Variants in NCAPD3 observed in about 807,000 individuals in gnomAD.
NCAPD3 encodes the protein condensin-2 complex subunit D3.
A neutral mutation model predicts 182.9 loss-of-function variants in NCAPD3; 105 were observed. That is an observed-to-expected ratio of 0.57 (90% CI 0.49 to 0.68). The LOEUF is 0.68. Among genes scored for constraint, NCAPD3 ranks in the 30% least tolerant of loss-of-function variants. The probability of loss-of-function intolerance (pLI) is 0.00; values close to 1 mark genes in which losing one functional copy is unlikely to be tolerated. For missense variants in NCAPD3, 1,944 were observed against 1,837.0 expected, an observed-to-expected ratio of 1.06 and a Z score of -1.07; for synonymous variants, 815 against 679.9, an observed-to-expected ratio of 1.20 and a Z score of -3.09.
chr11:134,163,569 T>G (rs1943655811), intron 27 of NCAPD3, among the ~76,000 whole-genome samples: 1 of 151,634 alleles, frequency 6.6e-6, no homozygotes, highest in Non-Finnish European at 1.5e-5. Flanking sequence ...CCGTGGTGGC[T>G]GGTGCCTGTA....
At chr11:134,214,802 GA>G (rs1293422409) in intron 3 of NCAPD3, among the ~76,000 whole-genome samples, 5 of 152,104 alleles carry the variant, frequency 3.3e-5, no homozygotes, top group African/African-American at 4.8e-5. Flanking sequence ...CCAAACATCT[GA>G]AGAAAAAAGA....
chr11:134,220,631 A>C lies in NCAPD3; in HGVS notation c.160T>G (p.Phe54Val), dbSNP rs1166789088. The C allele has an allele frequency of 6.2e-7, 1 of 1,614,070 alleles. No individual in the cohort carries two copies. The highest frequency in any genetic ancestry group is 8.5e-7 in the Non-Finnish European group (1 of 1,179,920). ...AAAAGGCTTTCATAGAGTTTTGTGAATGCAGCCAATCCAGTCTCTATGATC... is the reference window on the plus strand; with the variant it reads ...AAAAGGCTTTCATAGAGTTTTGTGACTGCAGCCAATCCAGTCTCTATGATC... ...AEIIETGLAAFTKLYESLLPF... is the reference protein window; with the variant it reads ...AEIIETGLAAVTKLYESLLPF... The change falls in exon 2 of 35, where the codon TTC becomes GTC. Residue 54 changes from phenylalanine to valine, a missense_variant. By Grantham distance (50) the Phe-to-Val change is conservative. Transcript: ENST00000534548.
At position 134,151,876 on chromosome 11, in the gene NCAPD3, C is replaced by G. The variant is rs1417795710; in HGVS notation, c.*1068G>C. ...CACCCATCCACCAGGGAAGTCAGTG[C>G]TGGGCAGGAGGTCAGCCTGTGTGCT... On this transcript the variant is annotated 3_prime_UTR_variant, in exon 35 of 35. Transcript: ENST00000534548. The G allele has an allele frequency of 6.6e-6, 1 of 152,228 alleles. No individual in the cohort carries two copies. Among genetic ancestry groups the G allele is most frequent in the African/African-American group, 2.4e-5 (1 of 41,460 alleles). The allele number at this position is 152,228 out of a possible 1,614,324, so 9.4% of individuals were successfully genotyped here.
chr11:134,187,679 A>G (rs1944439028), intron 16 of NCAPD3, among the ~76,000 whole-genome samples: 1 of 152,208 alleles, frequency 6.6e-6, no homozygotes, highest in Non-Finnish European at 1.5e-5. Flanking sequence ...AGAAAGAAAG[A>G]GGACAAAGAG....
intron 3 of NCAPD3, among the ~76,000 whole-genome samples, chr11:134,215,122 A>G (rs1937968340): frequency 6.6e-6 from 1 of 152,242 alleles, no homozygotes; most frequent in African/African-American, 2.4e-5. Context: ...AGTGCAGAAA[A>G]GCGAATGACA....
intron 13 of NCAPD3, among the ~76,000 whole-genome samples, chr11:134,200,445 C>T (rs182503285): frequency 2.0e-5 from 3 of 152,078 alleles, no homozygotes; most frequent in Admixed American, 2.0e-4. Flanking sequence ...CCAAAGAAAA[C>T]GTATGTATAT....
chr11:134,206,636 C>T lies in NCAPD3; in HGVS notation c.979G>A (p.Val327Ile), dbSNP rs1255995004. The T allele has an allele frequency of 3.7e-6, 6 of 1,613,494 alleles. No homozygotes were observed. The South Asian group carries it at 6.6e-5, about 18-fold the overall frequency. ...ACCGCCTGGTTTCTACAGTTGATGACTTGGGAGGTAACAGCAAGGGGGGCA... is the reference window on the plus strand; with the variant it reads ...ACCGCCTGGTTTCTACAGTTGATGATTTGGGAGGTAACAGCAAGGGGGGCA... ...HRAPLAVTSQ[V>I]INCRNQAVQF... Residue 327 changes from valine (V) to isoleucine (I), a missense_variant, in exon 8 of 35, where the codon GTC (valine) becomes ATC (isoleucine). Coordinates refer to ENST00000534548, the MANE Select transcript of NCAPD3 (RefSeq NM_015261.3).
chr11:134,213,262 G>C (rs1937904307), intron 3 of NCAPD3, among the ~76,000 whole-genome samples: 1 of 152,082 alleles, frequency 6.6e-6, no homozygotes, highest in African/African-American at 2.4e-5. Context: ...GGAGTTCAAG[G>C]TTAAAGTGAG....
chr11:134,197,336 G>A (rs552972069), intron 13 of NCAPD3, among the ~76,000 whole-genome samples: 2 of 140,128 alleles, frequency 1.4e-5, no homozygotes, highest in South Asian at 2.2e-4. Flanking sequence ...GAGTGCAGTC[G>A]CATGATATTG....
intron 31 of NCAPD3, among the ~76,000 whole-genome samples, chr11:134,157,400 G>A (rs1358136571): frequency 6.6e-6 from 1 of 152,120 alleles, no homozygotes. Flanking sequence ...TAATCCCAAG[G>A]ATTACATACA....
rs1229872888 is a variant in NCAPD3 at position 134,203,715 on chromosome 11, T to G, written c.1407A>C (p.Ala469=). Residue 469 remains alanine, a synonymous_variant, in exon 11 of 35, where the codon GCA becomes GCC. Coordinates refer to ENST00000534548, the MANE Select transcript of NCAPD3 (RefSeq NM_015261.3). The stretch of plus-strand genomic sequence containing the variant: ...TGGTAACAGTCAACTCCAGACAGTG[T>G]GCAAAGCTGGACAGTGCCTTGCTGC... ...TVRSKALSSF[A]HCLELTVTSA... 8 of 1,614,172 alleles carry G rather than the reference T, an allele frequency of 5.0e-6. No homozygotes were observed. Among genetic ancestry groups the G allele is most frequent in the Non-Finnish European group, 6.8e-6 (8 of 1,180,040 alleles).
At position 134,204,783 on chromosome 11, in the gene NCAPD3, G is replaced by A. The variant is rs1565552136; in HGVS notation, c.1089+116C>T. ...TGAACATTAAATAAAACCACTTTAA[G>A]TAACAATGCACACTCATTCCCAAGA... On this transcript the variant is annotated intron_variant, in intron 9 of 34. Coordinates refer to ENST00000534548, the MANE Select transcript of NCAPD3 (RefSeq NM_015261.3). This position sits in a 1 kb window ranked among gnomAD's most constrained non-coding sequence, Gnocchi z 4.3. The A allele has an allele frequency of 1.3e-6, 1 of 765,300 alleles. No individual in the cohort carries two copies. Among genetic ancestry groups the A allele is most frequent in the East Asian group, 2.8e-5 (1 of 35,246 alleles). The allele number at this position is 765,300 out of a possible 1,614,324, so 47.4% of individuals were successfully genotyped here.
intron 1 of NCAPD3, 22 bp from the exon 2 acceptor site, chr11:134,220,748 T>C (rs1938198427): frequency 6.2e-7 from 1 of 1,607,508 alleles, no homozygotes; most frequent in Admixed American, 1.7e-5. Flanking sequence ...TGCAATGAAA[T>C]GTGTAAGTAC....
In NCAPD3 at chr11:134,159,930, C is replaced by T. The variant is rs141547598; in HGVS notation, c.3829G>A (p.Gly1277Arg). 4.5e-4 allele frequency: 730 copies of T among 1,613,754 alleles called. 1 individual carries two copies. Among genetic ancestry groups the T allele is most frequent in the Non-Finnish European group, 5.6e-4 (661 of 1,180,026 alleles). The change falls in exon 29 of 35, where the codon GGG becomes AGG. Residue 1277 changes from glycine (G) to arginine (R), a missense_variant. Transcript: ENST00000534548. ...GCCACCTCAGCACCTCCAGCCGTCCCGGCCACATCTGCATGTTTTGCTAGC... is the reference window on the plus strand; with the variant it reads ...GCCACCTCAGCACCTCCAGCCGTCCTGGCCACATCTGCATGTTTTGCTAGC... ...QELAKHADVA[G>R]TAGGAEVAPV...
At chr11:134,222,333 T>C (rs1236028609) in intron 1 of NCAPD3, among the ~76,000 whole-genome samples, 1 of 152,192 alleles carries the variant, frequency 6.6e-6, no homozygotes, top group African/African-American at 2.4e-5. Context: ...CACTTATACT[T>C]CTAGGGATAT....
intron 20 of NCAPD3, among the ~76,000 whole-genome samples, chr11:134,180,507 G>A (rs184981960): frequency 2.4e-4 from 37 of 152,196 alleles, no homozygotes; most frequent in Admixed American, 8.5e-4. Flanking sequence ...CCACTGTCCC[G>A]TCCTGGCTCA....
chr11:134,204,827 A>T lies in NCAPD3; in HGVS notation c.1089+72T>A. Reference sequence around the variant, plus strand: ...CCCAAGAACAAATACCCACACTCACACACACACACACACATTTATCTTCAC... The same window carrying T: ...CCCAAGAACAAATACCCACACTCACTCACACACACACACATTTATCTTCAC... On this transcript the variant is annotated intron_variant, in intron 9 of 34. Transcript: ENST00000534548. This position sits in a 1 kb window ranked among gnomAD's most constrained non-coding sequence, Gnocchi z 4.3. 1.5e-5 allele frequency: 18 copies of T among 1,216,028 alleles called. No individual in the cohort carries two copies. Among genetic ancestry groups the T allele is most frequent in the Non-Finnish European group, 1.8e-5 (15 of 839,382 alleles). The allele number at this position is 1,216,028 out of a possible 1,614,324, so 75.3% of individuals were successfully genotyped here. A position where few individuals can be genotyped will look rare whatever the true frequency, so the allele number is the denominator to read the frequency against.
chr11:134,174,532 A>G (rs1944111754), intron 24 of NCAPD3, among the ~76,000 whole-genome samples: 1 of 151,996 alleles, frequency 6.6e-6, no homozygotes, highest in East Asian at 1.9e-4. Flanking sequence ...ACTCTCACTC[A>G]TATGTAAGAG....
At chr11:134,159,353 ATAAG>A (rs1169359172) in intron 29 of NCAPD3, among the ~76,000 whole-genome samples, 2 of 152,242 alleles carry the variant, frequency 1.3e-5, no homozygotes, top group Non-Finnish European at 2.9e-5. Flanking sequence ...GAGCAAGTCC[ATAAG>A]TAATGTACTT....
Sources: gnomAD v4.1 joint callset for allele counts (sites outside exome capture counted in the v4.1 genomes callset) on GRCh38, gnomAD v4.1.1 for gene constraint, Gnocchi (gnomAD v3.1) non-coding constraint, MANE v1.5 for transcripts, NCBI Gene and HGNC (gene_info 2026-07-23, HGNC 2026-07-21) for gene names.